The following AFG2A variants were observed in gnomAD, a reference collection of about 807,000 sequenced individuals.
The protein encoded by AFG2A is AAA ATPase AFG2A, also known as ATPase family gene 2 protein homolog A.
At chr4:123,135,341 C>G in the AFG2A span, among the ~76,000 whole-genome samples, 2 of 152,158 alleles carry the variant, frequency 1.3e-5, no homozygotes, top group African/African-American at 4.8e-5. Context: ...TTTCTAATAT[C>G]ATGAACAATA....
chr4:123,166,793 G>A, the AFG2A span, among the ~76,000 whole-genome samples: 2 of 152,128 alleles, frequency 1.3e-5, no homozygotes, highest in African/African-American at 4.8e-5. Context: ...TGCTATGGAT[G>A]TTACTCTTCT....
the AFG2A span, among the ~76,000 whole-genome samples, chr4:123,050,167 T>A: frequency 2.0e-5 from 3 of 152,136 alleles, no homozygotes; most frequent in African/African-American, 7.2e-5. Flanking sequence ...TCAAAAAAGA[T>A]GCTTGATATG....
the AFG2A span, among the ~76,000 whole-genome samples, chr4:123,086,543 C>G: frequency 1.4e-4 from 22 of 152,216 alleles, no homozygotes; most frequent in Non-Finnish European, 2.4e-4. Flanking sequence ...ACTGGACTTC[C>G]TGGATGTGTA....
At chr4:123,216,464 AACAGAATGAGAAACTATTAAAATGGTG>A in the AFG2A span, among the ~76,000 whole-genome samples, 1 of 152,198 alleles carries the variant, frequency 6.6e-6, no homozygotes, top group African/African-American at 2.4e-5. Context: ...ATATCTACAT[AACAGAATGAGAAACTATTAAAATGGTG>A]ATACATATAT....
chr4:122,987,639 G>C, the AFG2A span, among the ~76,000 whole-genome samples: 3 of 151,722 alleles, frequency 2.0e-5, no homozygotes, highest in African/African-American at 7.3e-5. Flanking sequence ...CCTTCTAGTT[G>C]AAACAGTCTA....
the AFG2A span, among the ~76,000 whole-genome samples, chr4:123,040,275 TTA>T: frequency 6.6e-6 from 1 of 152,172 alleles, no homozygotes; most frequent in South Asian, 2.1e-4. Context: ...TCCTTAGCAA[TTA>T]TGTCATTGAC....
chr4:123,104,008 A>G, the AFG2A span, among the ~76,000 whole-genome samples: 1 of 152,122 alleles, frequency 6.6e-6, no homozygotes, highest in Non-Finnish European at 1.5e-5. Flanking sequence ...GGAATGATGT[A>G]GATATTCTAT....
chr4:122,946,969 G>C, the AFG2A span, among the ~76,000 whole-genome samples: 1 of 152,084 alleles, frequency 6.6e-6, no homozygotes, highest in Non-Finnish European at 1.5e-5. Context: ...TGTCATAGTA[G>C]ATGGAGAGGT....
At chr4:122,937,974 T>A in the AFG2A span, 1 of 746,148 alleles carries the variant, frequency 1.3e-6, no homozygotes, top group Non-Finnish European at 2.0e-6. Context: ...CTAGAATGAA[T>A]CTAAGGATTT....
the AFG2A span, among the ~76,000 whole-genome samples, chr4:123,024,157 A>C: frequency 6.6e-6 from 1 of 152,112 alleles, no homozygotes; most frequent in African/African-American, 2.4e-5. Context: ...TGGAAGAAGC[A>C]AGAGTACAAT....
chr4:122,939,072 T>TC, the AFG2A span, among the ~76,000 whole-genome samples: 8 of 27,254 alleles, frequency 2.9e-4, 2 homozygotes, highest in Non-Finnish European at 9.3e-4. Flanking sequence ...GGATATGTTC[T>TC]TTCTTTTTTT....
chr4:122,944,958 C>G, the AFG2A span, among the ~76,000 whole-genome samples: 8,079 of 152,172 alleles, frequency 0.053, 670 homozygotes, highest in African/African-American at 0.18. Flanking sequence ...GTGGATTTTC[C>G]TGAACCGCGA....
At chr4:123,071,098 T>C in the AFG2A span, among the ~76,000 whole-genome samples, 1 of 152,242 alleles carries the variant, frequency 6.6e-6, no homozygotes, top group Non-Finnish European at 1.5e-5. Flanking sequence ...GTTTATGATA[T>C]CAGTGCCTGC....
the AFG2A span, among the ~76,000 whole-genome samples, chr4:122,945,474 C>T: frequency 8.2e-4 from 125 of 152,354 alleles, 1 homozygote; most frequent in African/African-American, 2.9e-3. Context: ...TCTCCTGGTG[C>T]ACCGTTTCCT....
At chr4:123,079,984 C>T in the AFG2A span, among the ~76,000 whole-genome samples, 10 of 151,980 alleles carry the variant, frequency 6.6e-5, no homozygotes, top group African/African-American at 1.9e-4. Context: ...CGCCTGACTT[C>T]GTGATCCATG....
At chr4:123,163,462 C>A in the AFG2A span, among the ~76,000 whole-genome samples, 6 of 151,852 alleles carry the variant, frequency 4.0e-5, no homozygotes, top group African/African-American at 7.3e-5. Flanking sequence ...ACAAAAAAAA[C>A]CCAACACTGC....
At chr4:123,010,734 G>C in the AFG2A span, among the ~76,000 whole-genome samples, 513 of 152,276 alleles carry the variant, frequency 3.4e-3, 3 homozygotes, top group Middle Eastern at 0.014. Context: ...ATCTAACCAC[G>C]TAGGCTTGCT....
the AFG2A span, among the ~76,000 whole-genome samples, chr4:122,989,901 A>G: frequency 6.6e-6 from 1 of 152,172 alleles, no homozygotes; most frequent in Non-Finnish European, 1.5e-5. Flanking sequence ...TTTGTTGCCC[A>G]GGCTAGAGTG....
At chr4:122,982,037 T>C in the AFG2A span, among the ~76,000 whole-genome samples, 2 of 152,152 alleles carry the variant, frequency 1.3e-5, no homozygotes, top group East Asian at 1.9e-4. Context: ...TTCAGTACTA[T>C]ATTAAATAGA....
Sources: gnomAD v4.1 joint callset for allele counts (sites outside exome capture counted in the v4.1 genomes callset) on GRCh38, gnomAD v4.1.1 for gene constraint, MANE v1.5 for transcripts, NCBI Gene and HGNC (gene_info 2026-07-23, HGNC 2026-07-21) for gene names.